The following DPP10 variants were observed in gnomAD, a reference collection of about 807,000 sequenced individuals.
DPP10 encodes inactive dipeptidyl peptidase 10.
DPP10 carries 33 observed loss-of-function variants against 120.9 expected under a neutral mutation model. That is an observed-to-expected ratio of 0.27 (90% confidence interval 0.21 to 0.37). The LOEUF (loss-of-function observed/expected upper bound fraction) is 0.37. Among genes scored for constraint, DPP10 ranks in the 10% least tolerant of loss-of-function variants. DPP10 has a pLI of 1.00. For missense variants in DPP10, 816 were observed against 942.8 expected (o/e 0.87, Z 1.76); for synonymous variants, 337 against 326.1 (o/e 1.03, Z -0.36).
intron 21 of DPP10, among the ~76,000 whole-genome samples, chr2:115,824,917 A>G (rs1559205945): frequency 6.6e-6 from 1 of 152,210 alleles, no homozygotes. Flanking sequence ...CCAGGAAAGC[A>G]TTGATTAAAT....
chr2:114,700,343 C>T (rs367544875), intron 1 of DPP10, among the ~76,000 whole-genome samples: 106 of 152,204 alleles, frequency 7.0e-4, no homozygotes, highest in African/African-American at 2.5e-3. Context: ...AACAAACAAA[C>T]TCCTAGGTGT....
At chr2:114,895,341 C>G (rs1574436137) in intron 1 of DPP10, among the ~76,000 whole-genome samples, 1 of 152,184 alleles carries the variant, frequency 6.6e-6, no homozygotes, top group South Asian at 2.1e-4. Context: ...AGAGACTCAC[C>G]AAACCCCTTC....
At chr2:115,672,377 A>G (rs892164567) in intron 5 of DPP10, among the ~76,000 whole-genome samples, 2 of 152,144 alleles carry the variant, frequency 1.3e-5, no homozygotes, top group Non-Finnish European at 2.9e-5. Flanking sequence ...ATCAAGAGGC[A>G]TGATACCCAT....
At chr2:115,781,724 G>A (rs1367664606) in intron 16 of DPP10, among the ~76,000 whole-genome samples, 2 of 151,490 alleles carry the variant, frequency 1.3e-5, no homozygotes, top group Non-Finnish European at 3.0e-5. Flanking sequence ...ATGAAATGAA[G>A]TAATCAAAAA....
rs1018364195 is a variant in DPP10 at position 114,651,930 on chromosome 2, C to T, written c.60+209092C>T. On this transcript the variant is annotated intron_variant, in intron 1 of 25. Transcript: ENST00000410059. ...CATCTCACATTTTAATGTGCTTGCCCGGAAGATGACGATAGTAAATCTGGG... is the reference window on the plus strand; with the variant it reads ...CATCTCACATTTTAATGTGCTTGCCTGGAAGATGACGATAGTAAATCTGGG... 2.6e-5 allele frequency among the ~76,000 whole-genome samples: 4 copies of T among 152,070 alleles called. No homozygotes were observed. The East Asian group carries it at 5.8e-4, about 22-fold the overall frequency.
chr2:115,716,213 G>T (rs2092488115), intron 7 of DPP10, among the ~76,000 whole-genome samples: 1 of 152,210 alleles, frequency 6.6e-6, no homozygotes, highest in Non-Finnish European at 1.5e-5. Context: ...ATTGGAAAAT[G>T]CAGTTAGAAC....
chr2:115,497,876 T>G (rs1447902754), intron 3 of DPP10, among the ~76,000 whole-genome samples: 1 of 151,868 alleles, frequency 6.6e-6, no homozygotes, highest in Non-Finnish European at 1.5e-5. Flanking sequence ...TAAATCAAAA[T>G]AAATATTTAT....
At chr2:114,825,299 T>C (rs1425862470) in intron 1 of DPP10, among the ~76,000 whole-genome samples, 1 of 152,210 alleles carries the variant, frequency 6.6e-6, no homozygotes, top group Non-Finnish European at 1.5e-5. Context: ...AGGAAAGCAT[T>C]GGAATCTAGA....
intron 5 of DPP10, among the ~76,000 whole-genome samples, chr2:115,574,444 A>G (rs1472893108): frequency 6.6e-6 from 1 of 152,168 alleles, no homozygotes; most frequent in Non-Finnish European, 1.5e-5. Context: ...TAGCTCCTGC[A>G]ACACTTCCTG....
At chr2:115,277,447 CTTTTTTTTTTTTTT>C (rs70941038) in intron 1 of DPP10, among the ~76,000 whole-genome samples, 6 of 49,744 alleles carry the variant, frequency 1.2e-4, no homozygotes, top group Admixed American at 1.1e-3. Flanking sequence ...CTGCCAGGGC[CTTTTTTTTTTTTTT>C]TTTTTTTTTT....
rs1161090054 is a variant in DPP10 at position 115,006,323 on chromosome 2, A to C, written c.61-302916A>C. Among the ~76,000 whole-genome samples the C allele has an allele frequency of 9.9e-5, 15 of 152,152 alleles. No individual in the cohort carries two copies. In the South Asian group the frequency reaches 2.1e-3, roughly 21 times the overall value. Reference sequence around the variant, plus strand: ...AACTGCATCAACTAACGAGCAAAATAACCAGCTAGCATCATAACAACAGGA... The same window carrying C: ...AACTGCATCAACTAACGAGCAAAATCACCAGCTAGCATCATAACAACAGGA... On this transcript the variant is annotated intron_variant, in intron 1 of 25. Transcript: ENST00000410059.
At chr2:114,981,054 A>T (rs1700059714) in intron 1 of DPP10, among the ~76,000 whole-genome samples, 1 of 150,524 alleles carries the variant, frequency 6.6e-6, no homozygotes, top group Admixed American at 6.7e-5. Context: ...GACAGGTGTT[A>T]TCATATACTA....
At chr2:114,775,179 CA>C (rs1681616909) in intron 1 of DPP10, among the ~76,000 whole-genome samples, 1 of 152,030 alleles carries the variant, frequency 6.6e-6, no homozygotes, top group Non-Finnish European at 1.5e-5. Context: ...TTAGTCCTAA[CA>C]ATAATAATGT....
intron 1 of DPP10, among the ~76,000 whole-genome samples, chr2:115,018,306 C>A (rs530102801): frequency 6.6e-6 from 1 of 152,252 alleles, no homozygotes; most frequent in Middle Eastern, 3.4e-3. Context: ...GTGGTGATTC[C>A]TCCAGGATCT....
chr2:114,682,569 AATTATTATTATT>A (rs143088528), intron 1 of DPP10, among the ~76,000 whole-genome samples: 4 of 149,112 alleles, frequency 2.7e-5, no homozygotes, highest in African/African-American at 7.3e-5. Flanking sequence ...ATCGATGGGT[AATTATTATTATT>A]ATTATTATTA....
At chr2:115,299,508 G>T (rs1007523094) in intron 1 of DPP10, among the ~76,000 whole-genome samples, 1 of 152,014 alleles carries the variant, frequency 6.6e-6, no homozygotes, top group Non-Finnish European at 1.5e-5. Flanking sequence ...TTTCTCATTG[G>T]AATGTTTTGC....
intron 1 of DPP10, among the ~76,000 whole-genome samples, chr2:114,458,116 T>C (rs1201731768): frequency 6.6e-6 from 1 of 150,634 alleles, no homozygotes; most frequent in Non-Finnish European, 1.5e-5. Flanking sequence ...CCTGGTCTCT[T>C]TCCAGAACAG....
At chr2:115,034,952 A>G (rs1704122089) in intron 1 of DPP10, among the ~76,000 whole-genome samples, 1 of 152,220 alleles carries the variant, frequency 6.6e-6, no homozygotes, top group African/African-American at 2.4e-5. Flanking sequence ...CTAAAACTCA[A>G]GTGGGGTCAG....
chr2:115,331,112 T>C (rs1213974152), intron 2 of DPP10, among the ~76,000 whole-genome samples: 1 of 152,140 alleles, frequency 6.6e-6, no homozygotes, highest in East Asian at 1.9e-4. Flanking sequence ...TGAGCAGTGG[T>C]TTGTAGTTCT....
Sources: gnomAD v4.1 joint callset for allele counts (sites outside exome capture counted in the v4.1 genomes callset) on GRCh38, gnomAD v4.1.1 for gene constraint, MANE v1.5 for transcripts, NCBI Gene and HGNC (gene_info 2026-07-23, HGNC 2026-07-21) for gene names.